The following TSC22D1 variants were observed in gnomAD, a reference collection of about 807,000 sequenced individuals.
TSC22D1 encodes TSC22 domain family member 1, also known as TSC22 domain family protein 1.
TSC22D1 carries 9 observed loss-of-function variants against 74.2 expected under a neutral mutation model. The ratio of observed to expected loss-of-function variants is 0.12; its 90% CI spans 0.07 to 0.21. The LOEUF is 0.21. Among genes scored for constraint, TSC22D1 ranks in the 10% least tolerant of loss-of-function variants. TSC22D1 has a pLI of 1.00. For synonymous variants in TSC22D1, 586 were observed against 492.5 expected, an observed-to-expected ratio of 1.19 and a Z score of -2.51; for missense variants, 1,427 against 1,304.7, an observed-to-expected ratio of 1.09 and a Z score of -1.44.
intron 1 of TSC22D1, among the ~76,000 whole-genome samples, chr13:44,556,221 T>C (rs1380298740): frequency 6.6e-6 from 1 of 150,726 alleles, no homozygotes; most frequent in Non-Finnish European, 1.5e-5. Context: ...ACAGTTCTAC[T>C]GTTAAAAAAA....
chr13:44,455,613 C>G (rs1454008097), intron 1 of TSC22D1, among the ~76,000 whole-genome samples: 2 of 152,140 alleles, frequency 1.3e-5, no homozygotes, highest in Admixed American at 1.3e-4. Flanking sequence ...AAGTCAGGTC[C>G]TCCTGTAGAA....
At chr13:44,554,442 T>C (rs1282032188) in intron 1 of TSC22D1, among the ~76,000 whole-genome samples, 1 of 152,122 alleles carries the variant, frequency 6.6e-6, no homozygotes, top group Admixed American at 6.5e-5. Flanking sequence ...CTTATTTGGA[T>C]AATTGAGAAG....
At chr13:44,515,374 G>GA (rs1411139355) in intron 1 of TSC22D1, among the ~76,000 whole-genome samples, 3 of 148,470 alleles carry the variant, frequency 2.0e-5, no homozygotes, top group Non-Finnish European at 4.5e-5. Flanking sequence ...AATATTAAGT[G>GA]AAAAAAAAGC....
At chr13:44,500,779 G>T (rs891740386) in intron 1 of TSC22D1, among the ~76,000 whole-genome samples, 1 of 152,108 alleles carries the variant, frequency 6.6e-6, no homozygotes, top group African/African-American at 2.4e-5. Flanking sequence ...CAAATTCCTG[G>T]GTTCAAGCAA....
chr13:44,560,800 G>A (rs1158914877), intron 1 of TSC22D1, among the ~76,000 whole-genome samples: 3 of 152,240 alleles, frequency 2.0e-5, no homozygotes, highest in Non-Finnish European at 4.4e-5. Context: ...ACAATATAAC[G>A]AACATAATCT....
chr13:44,524,610 G>A (rs1402691521), intron 1 of TSC22D1, among the ~76,000 whole-genome samples: 2 of 152,018 alleles, frequency 1.3e-5, no homozygotes, highest in African/African-American at 4.8e-5. Context: ...GCAATGGCGC[G>A]ATCTTGGCTC....
chr13:44,496,368 T>C (rs948780397), intron 1 of TSC22D1, among the ~76,000 whole-genome samples: 3 of 152,040 alleles, frequency 2.0e-5, no homozygotes, highest in Non-Finnish European at 2.9e-5. Context: ...AGACCCTGTC[T>C]CCACAAAACT....
intron 1 of TSC22D1, among the ~76,000 whole-genome samples, chr13:44,455,202 C>T (rs1410496727): frequency 1.3e-5 from 2 of 152,094 alleles, no homozygotes; most frequent in African/African-American, 4.8e-5. Context: ...AAGAAGGACT[C>T]CCTGAGAAAA....
intron 1 of TSC22D1, among the ~76,000 whole-genome samples, chr13:44,483,990 T>C (rs1023809244): frequency 6.6e-6 from 1 of 152,238 alleles, no homozygotes; most frequent in East Asian, 1.9e-4. Flanking sequence ...ATTTGATTCA[T>C]ATAATTTCAT....
intron 1 of TSC22D1, among the ~76,000 whole-genome samples, chr13:44,516,096 T>C (rs182360963): frequency 6.6e-6 from 1 of 152,308 alleles, no homozygotes; most frequent in East Asian, 1.9e-4. Context: ...AATAAAAACA[T>C]ATCCAATTCC....
chr13:44,522,341 T>C (rs1880357059), intron 1 of TSC22D1, among the ~76,000 whole-genome samples: 1 of 152,172 alleles, frequency 6.6e-6, no homozygotes, highest in African/African-American at 2.4e-5. Flanking sequence ...TTGTTGTTTG[T>C]ATAAAGGAAA....
At position 44,526,144 on chromosome 13, in the gene TSC22D1, C is replaced by T. The variant is rs13343217; in HGVS notation, c.2912+47019G>A. Among the ~76,000 whole-genome samples the T allele has an allele frequency of 2.9e-3, 443 of 152,086 alleles. 3 individuals carry two copies. The highest frequency in any genetic ancestry group is 0.01 in the African/African-American group (419 of 41,506). On this transcript the variant is annotated intron_variant, in intron 1 of 2. Transcript: ENST00000458659. ...CAAACAAAAAACACCATTAGACATGCTAAAAGGTTAGGAAAAATAAAACAG... is the reference window on the plus strand; with the variant it reads ...CAAACAAAAAACACCATTAGACATGTTAAAAGGTTAGGAAAAATAAAACAG...
At chr13:44,513,001 T>C (rs1225845013) in intron 1 of TSC22D1, among the ~76,000 whole-genome samples, 1 of 152,222 alleles carries the variant, frequency 6.6e-6, no homozygotes, top group Non-Finnish European at 1.5e-5. Context: ...GGTTAGCTCC[T>C]TCCTAAATCC....
chr13:44,460,765 T>G (rs1295246034), intron 1 of TSC22D1, among the ~76,000 whole-genome samples: 1 of 152,232 alleles, frequency 6.6e-6, no homozygotes, highest in Non-Finnish European at 1.5e-5. Context: ...GAGATAGTCT[T>G]TCTTTCCCAC....
intron 1 of TSC22D1, among the ~76,000 whole-genome samples, chr13:44,455,635 CAA>C (rs1876528889): frequency 6.6e-6 from 1 of 152,160 alleles, no homozygotes; most frequent in African/African-American, 2.4e-5. Flanking sequence ...CATCTGTCTA[CAA>C]AATTTAAGCA....
At chr13:44,436,414 G>A in intron 1 of TSC22D1, 1 of 1,475,476 alleles carries the variant, frequency 6.8e-7, no homozygotes, top group African/African-American at 1.4e-5. Flanking sequence ...CTCAGCAATG[G>A]ACAAAGGAAT....
Position 44,575,512 on chromosome 13 carries a change from G to T in TSC22D1, c.563C>A (p.Ala188Glu), listed in dbSNP as rs1884157516. 5 of 1,614,004 alleles carry T rather than the reference G, an allele frequency of 3.1e-6. No homozygotes were observed. In the Admixed American group the frequency reaches 5.0e-5, roughly 16 times the overall value. ...NNFQEAETPG[A>E]VSPNQPHLPQ... ...AAGGTGGGGCTGGTTGGGAGAGACTGCCCCAGGTGTCTCGGCTTCCTGGAA... is the reference window on the plus strand; with the variant it reads ...AAGGTGGGGCTGGTTGGGAGAGACTTCCCCAGGTGTCTCGGCTTCCTGGAA... The change falls in exon 1 of 3, where the codon GCA becomes GAA. Residue 188 changes from alanine to glutamate, a missense_variant. Ala to Glu is a moderately radical substitution (Grantham distance 107). Coordinates refer to ENST00000458659, the MANE Select transcript of TSC22D1 (RefSeq NM_183422.4).
In TSC22D1 at chr13:44,547,527, CATT is replaced by C. The variant is rs1881905482; in HGVS notation, c.2912+25633_2912+25635del. Among the ~76,000 whole-genome samples the C allele has an allele frequency of 2.0e-5, 3 of 152,306 alleles. No homozygotes were observed. In the South Asian group the frequency reaches 6.2e-4, roughly 32 times the overall value. On this transcript the variant is annotated intron_variant, in intron 1 of 2. Transcript: ENST00000458659. ...AAAAGCAAAAGTTCTTTCCAATTTA[CATT>C]ATCATGTATGTTTATTCCTGCATTA...
chr13:44,517,337 C>T (rs1880042294), intron 1 of TSC22D1, among the ~76,000 whole-genome samples: 1 of 150,136 alleles, frequency 6.7e-6, no homozygotes, highest in African/African-American at 2.4e-5. Flanking sequence ...AAACAAAACA[C>T]ACACACACAC....
Sources: gnomAD v4.1 joint callset for allele counts (sites outside exome capture counted in the v4.1 genomes callset) on GRCh38, gnomAD v4.1.1 for gene constraint, MANE v1.5 for transcripts, NCBI Gene and HGNC (gene_info 2026-07-23, HGNC 2026-07-21) for gene names.